Variants in NETO2 observed in about 807,000 individuals in gnomAD.
NETO2 encodes neuropilin and tolloid like 2.
Under a neutral mutation model 62.5 loss-of-function variants are expected in NETO2, and 28 were observed. The ratio of observed to expected loss-of-function variants is 0.45; its 90% CI spans 0.33 to 0.61. The LOEUF (loss-of-function observed/expected upper bound fraction) is 0.61, where lower values mean the gene tolerates loss of function less well. Among genes scored for constraint, NETO2 ranks in the 20% least tolerant of loss-of-function variants. The pLI, the probability that NETO2 is intolerant of heterozygous loss-of-function variation, is 0.02. For missense variants in NETO2, 548 were observed against 643.2 expected (o/e 0.85, Z 1.60); for synonymous variants, 214 against 219.1 (o/e 0.98, Z 0.21).
At chr16:47,109,446 G>A in intron 7 of NETO2, 37 bp downstream of exon 7, 1 of 1,474,380 alleles carries the variant, frequency 6.8e-7, no homozygotes, top group Non-Finnish European at 9.5e-7. Context: ...TGAAAAATAT[G>A]TAAAAGATCT....
intron 6 of NETO2, among the ~76,000 whole-genome samples, chr16:47,114,439 CTTTTTTTTTTTTTT>C (rs33994080): frequency 2.1e-4 from 8 of 37,938 alleles, no homozygotes; most frequent in Non-Finnish European, 3.0e-4. Flanking sequence ...TTATAAATTT[CTTTTTTTTTTTTTT>C]TTTTTTTTTT....
chr16:47,114,712 A>G (rs1567391019), intron 6 of NETO2, among the ~76,000 whole-genome samples: 2 of 151,700 alleles, frequency 1.3e-5, no homozygotes, highest in Non-Finnish European at 2.9e-5. Context: ...AGCCTCCCAA[A>G]GTGCTGGGAT....
At chr16:47,140,231 C>A (rs1964435142) in intron 1 of NETO2, among the ~76,000 whole-genome samples, 1 of 151,956 alleles carries the variant, frequency 6.6e-6, no homozygotes, top group Admixed American at 6.6e-5. Flanking sequence ...AGTTTGGAAA[C>A]CATTGGATTA....
At position 47,083,812 on chromosome 16, in the gene NETO2, A is replaced by G; in HGVS notation, c.998-11T>C. The G allele has an allele frequency of 6.5e-7, 1 of 1,548,352 alleles. No individual in the cohort carries two copies. Among genetic ancestry groups the G allele is most frequent in the Non-Finnish European group, 8.8e-7 (1 of 1,141,816 alleles). ...CTGCTTTTTTCTTTTCTGCAGAAAG[A>G]AAATGAGAAACGTTAAGTTTTCAAA... On this transcript the variant is annotated splice_polypyrimidine_tract_variant and intron_variant, in intron 8 of 8. Coordinates refer to ENST00000562435, the MANE Select transcript of NETO2 (RefSeq NM_018092.5).
intron 6 of NETO2, among the ~76,000 whole-genome samples, chr16:47,122,026 CCTCA>C (rs1567394632): frequency 2.6e-5 from 4 of 151,980 alleles, no homozygotes; most frequent in South Asian, 2.1e-4. Flanking sequence ...GTTTTCCCAC[CCTCA>C]CTCTCTCCTC....
chr16:47,106,630 G>A (rs968732610), intron 7 of NETO2, among the ~76,000 whole-genome samples: 4 of 152,078 alleles, frequency 2.6e-5, no homozygotes, highest in Non-Finnish European at 5.9e-5. Context: ...ATTATTCACT[G>A]TAGCTTCTTT....
intron 6 of NETO2, among the ~76,000 whole-genome samples, chr16:47,119,746 T>A (rs1964000345): frequency 6.6e-6 from 1 of 152,210 alleles, no homozygotes; most frequent in Admixed American, 6.5e-5. Context: ...TCCATACTGA[T>A]TTCTTCTGTG....
chr16:47,112,090 A>G (rs1426647344), intron 6 of NETO2, among the ~76,000 whole-genome samples: 1 of 152,040 alleles, frequency 6.6e-6, no homozygotes, highest in Non-Finnish European at 1.5e-5. Context: ...TATATTTTTA[A>G]TTTTAAAAAT....
chr16:47,121,431 G>A (rs1290231711), intron 6 of NETO2, among the ~76,000 whole-genome samples: 1 of 152,144 alleles, frequency 6.6e-6, no homozygotes. Context: ...TCAGTCTTTG[G>A]ACTTCATGAC....
intron 6 of NETO2, among the ~76,000 whole-genome samples, chr16:47,113,444 A>G (rs953567519): frequency 6.6e-6 from 1 of 152,206 alleles, no homozygotes; most frequent in Admixed American, 6.6e-5. Context: ...AATTTCATAT[A>G]AATGAAATCA....
chr16:47,110,774 T>C (rs1963779983), intron 6 of NETO2, among the ~76,000 whole-genome samples: 1 of 152,172 alleles, frequency 6.6e-6, no homozygotes, highest in South Asian at 2.1e-4. Context: ...TTCGAAGAGA[T>C]TAATAAAACA....
chr16:47,113,585 CTTTTTTT>C (rs953891691), intron 6 of NETO2, among the ~76,000 whole-genome samples: 10 of 106,616 alleles, frequency 9.4e-5, no homozygotes, highest in South Asian at 6.4e-4. Context: ...ACAGTTTATT[CTTTTTTT>C]TTTTTTTTTT....
intron 8 of NETO2, among the ~76,000 whole-genome samples, chr16:47,084,972 CCT>C (rs963878052): frequency 1.3e-5 from 2 of 152,186 alleles, no homozygotes; most frequent in African/African-American, 4.8e-5. Context: ...CTGCCCCACC[CCT>C]GTTCTGTGAA....
At chr16:47,136,908 A>C (rs997069384) in intron 1 of NETO2, among the ~76,000 whole-genome samples, 5 of 152,198 alleles carry the variant, frequency 3.3e-5, no homozygotes, top group African/African-American at 1.2e-4. Flanking sequence ...TTCATTTACT[A>C]ACGACAGACA....
At chr16:47,097,302 C>G (rs1314661640) in intron 7 of NETO2, among the ~76,000 whole-genome samples, 2 of 152,226 alleles carry the variant, frequency 1.3e-5, no homozygotes, top group Non-Finnish European at 2.9e-5. Flanking sequence ...GCACAGCAGT[C>G]TGAAGTTGAC....
intron 1 of NETO2, among the ~76,000 whole-genome samples, chr16:47,142,690 A>G (rs1964484559): frequency 6.6e-6 from 1 of 152,240 alleles, no homozygotes; most frequent in Non-Finnish European, 1.5e-5. Context: ...TGGAAATTGA[A>G]AAGACGATTT....
intron 7 of NETO2, among the ~76,000 whole-genome samples, chr16:47,091,496 G>T (rs1311216207): frequency 1.3e-5 from 2 of 152,106 alleles, no homozygotes; most frequent in Non-Finnish European, 1.5e-5. Flanking sequence ...AAGTAAAAAA[G>T]AAATTGGTGG....
chr16:47,119,332 T>C (rs1963991068), intron 6 of NETO2, among the ~76,000 whole-genome samples: 1 of 151,954 alleles, frequency 6.6e-6, no homozygotes, highest in South Asian at 2.1e-4. Flanking sequence ...TTTGTACTTT[T>C]AGTAGAGATG....
At chr16:47,091,831 T>C (rs1963319015) in intron 7 of NETO2, among the ~76,000 whole-genome samples, 2 of 152,114 alleles carry the variant, frequency 1.3e-5, no homozygotes, top group Non-Finnish European at 1.5e-5. Flanking sequence ...ACACTGCGTA[T>C]GTGCTACTGC....
Sources: allele counts gnomAD v4.1 joint callset (sites outside exome capture counted in the v4.1 genomes callset), GRCh38; gene constraint gnomAD v4.1.1; transcripts MANE v1.5; gene names NCBI Gene and HGNC (gene_info 2026-07-23, HGNC 2026-07-21).